The following FANCC variants were observed in gnomAD, a reference collection of about 807,000 sequenced individuals.
The protein encoded by FANCC is FA complementation group C, also known as Fanconi anemia group C protein.
FANCC carries 55 observed loss-of-function variants against 71.3 expected under a neutral mutation model. The ratio of observed to expected loss-of-function variants is 0.77; its 90% CI spans 0.62 to 0.97. The LOEUF is 0.97. Ranked by LOEUF, FANCC falls within the 50% of genes least tolerant of loss-of-function variation. FANCC has a pLI of 0.00. For synonymous variants in FANCC, 275 were observed against 244.9 expected (o/e 1.12, Z -1.15); for missense variants, 678 against 670.9 (o/e 1.01, Z -0.12).
chr9:95,172,903 A>T lies in FANCC; in HGVS notation c.346-756T>A, dbSNP rs1354660126. ...GGCTTGGCTGTGCTCAATAAAAATA[A>T]AATCTTGTGTTTACCAGAAAAATAA... On this transcript the variant is annotated intron_variant, in intron 4 of 14. Coordinates refer to ENST00000289081, the MANE Select transcript of FANCC (RefSeq NM_000136.3). Among the ~76,000 whole-genome samples, 3 of 152,218 alleles carry T rather than the reference A, an allele frequency of 2.0e-5. No individual in the cohort carries two copies. In the East Asian group the frequency reaches 5.8e-4, roughly 29 times the overall value.
intron 8 of FANCC, among the ~76,000 whole-genome samples, chr9:95,128,339 A>G (rs558969075): frequency 2.6e-5 from 4 of 152,374 alleles, no homozygotes; most frequent in African/African-American, 9.6e-5. Context: ...AAGAGTGTTT[A>G]AGATCAAATA....
At chr9:95,251,312 T>C (rs1440349813) in intron 1 of FANCC, among the ~76,000 whole-genome samples, 1 of 152,116 alleles carries the variant, frequency 6.6e-6, no homozygotes. Flanking sequence ...TTAATTTTAT[T>C]TTTATGTTAT....
chr9:95,295,461 GACAA>G (rs748932692), intron 1 of FANCC, among the ~76,000 whole-genome samples: 15 of 152,146 alleles, frequency 9.9e-5, no homozygotes, highest in East Asian at 1.9e-4. Context: ...CTTCAAAGAA[GACAA>G]ACAAATGGCT....
At chr9:95,126,750 A>G in intron 8 of FANCC, 169 bp from the exon 9 acceptor site, 2 of 673,600 alleles carry the variant, frequency 3.0e-6, no homozygotes, top group South Asian at 3.3e-5. Flanking sequence ...CCCACATACA[A>G]GTGCATACGG....
chr9:95,251,618 T>C (rs1419691001), intron 1 of FANCC, among the ~76,000 whole-genome samples: 1 of 152,192 alleles, frequency 6.6e-6, no homozygotes, highest in Non-Finnish European at 1.5e-5. Flanking sequence ...GCCCAGCCAG[T>C]AATTTAATTT....
chr9:95,150,075 C>T lies in FANCC; in HGVS notation c.534G>A (p.Glu178=), dbSNP rs776694218. The change falls in exon 7 of 15, where the codon GAG becomes GAA. Residue 178 remains glutamate, a synonymous_variant. Transcript: ENST00000289081. ...AAACTCGTGACAGGGACGCCACTCG[C>T]TCGGGAGCCATTCTATGGAAGAAAT... ...GFNTQRRMAP[E]RVASLSRVCV... 1 of 1,614,122 alleles carries T rather than the reference C, an allele frequency of 6.2e-7. No homozygotes were observed. Among genetic ancestry groups the T allele is most frequent in the Non-Finnish European group, 8.5e-7 (1 of 1,180,020 alleles).
chr9:95,107,736 G>A (rs982067544), intron 13 of FANCC, among the ~76,000 whole-genome samples: 5 of 152,006 alleles, frequency 3.3e-5, no homozygotes, highest in Non-Finnish European at 7.4e-5. Flanking sequence ...GGGGGTCGGG[G>A]GGAACACACA....
intron 1 of FANCC, among the ~76,000 whole-genome samples, chr9:95,315,752 C>T (rs991452575): frequency 6.6e-6 from 1 of 152,218 alleles, no homozygotes; most frequent in Non-Finnish European, 1.5e-5. Flanking sequence ...TTGGAACTAC[C>T]ACTCATGTGA....
At chr9:95,189,530 G>C (rs903103529) in intron 4 of FANCC, among the ~76,000 whole-genome samples, 24 of 152,210 alleles carry the variant, frequency 1.6e-4, no homozygotes, top group African/African-American at 5.1e-4. Flanking sequence ...ATTAGTTCCG[G>C]GGGGGGAAAT....
rs185409042 is a variant in FANCC at position 95,262,995 on chromosome 9, C to T, written c.-78-13626G>A. 1.2e-3 allele frequency among the ~76,000 whole-genome samples: 189 copies of T among 152,198 alleles called. 2 individuals are homozygous for T. The highest frequency in any genetic ancestry group is 4.4e-3 in the African/African-American group (182 of 41,522). On this transcript the variant is annotated intron_variant, in intron 1 of 14. Transcript: ENST00000289081. ...TGGGTAGAGTTTCTGTTTGGGATAA[C>T]GGGAAAGTTCTGGGGATGGATGGCG... is the stretch of plus-strand genomic sequence containing the variant.
intron 3 of FANCC, among the ~76,000 whole-genome samples, chr9:95,244,381 C>T (rs945219919): frequency 5.3e-5 from 8 of 151,902 alleles, no homozygotes; most frequent in Non-Finnish European, 1.0e-4. Flanking sequence ...CTGGCACACA[C>T]AAAAAAACAC....
intron 7 of FANCC, among the ~76,000 whole-genome samples, chr9:95,137,996 G>A (rs1588142319): frequency 1.3e-5 from 2 of 152,368 alleles, no homozygotes; most frequent in East Asian, 3.9e-4. Flanking sequence ...CCAGAGGTGG[G>A]GCCTAGTGTG....
intron 14 of FANCC, 70 bp from the exon 15 acceptor site, chr9:95,101,920 G>A (rs766044261): frequency 1.3e-5 from 21 of 1,571,122 alleles, no homozygotes; most frequent in Admixed American, 1.0e-4. Flanking sequence ...GTCCAGGGAC[G>A]GACCATAACC....
chr9:95,271,224 G>A (rs986891095), intron 1 of FANCC, among the ~76,000 whole-genome samples: 2 of 152,312 alleles, frequency 1.3e-5, no homozygotes, highest in African/African-American at 4.8e-5. Context: ...CAGCCCAAAT[G>A]TCGGCACCTC....
chr9:95,300,017 T>C (rs1209722371), intron 1 of FANCC, among the ~76,000 whole-genome samples: 2 of 152,248 alleles, frequency 1.3e-5, no homozygotes, highest in East Asian at 3.8e-4. Context: ...GTAGGGACTT[T>C]ATCAGTCATT....
chr9:95,099,613 A>C lies in FANCC; in HGVS notation c.*2094T>G, dbSNP rs1307511366. On this transcript the variant is annotated 3_prime_UTR_variant, in exon 15 of 15. Transcript: ENST00000289081. ...CTCCCCCAGCTCCCCACCTTTGAGC[A>C]TCTCTCAGGCTGGGAAAGGGCAAAG... is the stretch of plus-strand genomic sequence containing the variant. The C allele has an allele frequency of 4.3e-6, 1 of 230,944 alleles. No individual in the cohort carries two copies. The highest frequency in any genetic ancestry group is 2.2e-5 in the African/African-American group (1 of 45,028). 14.3% of individuals were successfully genotyped at this position (230,944 alleles called of 1,614,324 possible). A position where few individuals can be genotyped will look rare whatever the true frequency, so the allele number is the denominator to read the frequency against.
intron 1 of FANCC, among the ~76,000 whole-genome samples, chr9:95,249,611 T>C (rs1008413923): frequency 6.6e-6 from 1 of 152,206 alleles, no homozygotes; most frequent in Non-Finnish European, 1.5e-5. Context: ...AGGCACACGC[T>C]AATTATGCAC....
chr9:95,284,605 C>T (rs151000950), intron 1 of FANCC, among the ~76,000 whole-genome samples: 247 of 152,240 alleles, frequency 1.6e-3, no homozygotes, highest in African/African-American at 5.6e-3. Context: ...AGACTAAACC[C>T]AGTACAGTTT....
chr9:95,148,886 C>A (rs1467938939), intron 7 of FANCC, among the ~76,000 whole-genome samples: 1 of 152,190 alleles, frequency 6.6e-6, no homozygotes, highest in Non-Finnish European at 1.5e-5. Flanking sequence ...GAATTATCCA[C>A]AATGATCTGC....
Sources: allele counts gnomAD v4.1 joint callset (sites outside exome capture counted in the v4.1 genomes callset), GRCh38; gene constraint gnomAD v4.1.1; transcripts MANE v1.5; gene names NCBI Gene and HGNC (gene_info 2026-07-23, HGNC 2026-07-21).